FNIP2: variants seen among roughly 807,000 people sequenced by gnomAD.
FNIP2 encodes the protein folliculin-interacting protein 2.
A neutral mutation model predicts 108.7 loss-of-function variants in FNIP2; 32 were observed. The ratio of observed to expected loss-of-function variants is 0.29; its 90% CI spans 0.22 to 0.40. The LOEUF (loss-of-function observed/expected upper bound fraction) is 0.40. Among genes scored for constraint, FNIP2 ranks in the 10% least tolerant of loss-of-function variants. The pLI is 1.00. For missense variants in FNIP2, 1,202 were observed against 1,381.6 expected (o/e 0.87, Z 2.06); for synonymous variants, 480 against 496.7 (o/e 0.97, Z 0.45).
At chr4:158,799,977 G>C (rs551073097) in intron 1 of FNIP2, among the ~76,000 whole-genome samples, 1 of 152,052 alleles carries the variant, frequency 6.6e-6, no homozygotes, top group Non-Finnish European at 1.5e-5. Context: ...AAATAGATAC[G>C]CAGTGCCTTT....
chr4:158,851,279 A>C, intron 7 of FNIP2, 42 bp from the exon 8 acceptor site: 1 of 1,608,716 alleles, frequency 6.2e-7, no homozygotes. Flanking sequence ...CTACATGAGG[A>C]CTAATTGACC....
At chr4:158,877,601 C>T (rs1227758033) in intron 14 of FNIP2, among the ~76,000 whole-genome samples, 3 of 152,188 alleles carry the variant, frequency 2.0e-5, no homozygotes, top group Non-Finnish European at 4.4e-5. Context: ...GTTTGATGCA[C>T]TAGAAATCTC....
chr4:158,806,454 G>T (rs1776963673), intron 1 of FNIP2: 1 of 1,267,070 alleles, frequency 7.9e-7, no homozygotes, highest in African/African-American at 1.5e-5. Context: ...CAAAGTCTCA[G>T]ATAATTTTTT....
intron 14 of FNIP2, among the ~76,000 whole-genome samples, chr4:158,889,041 T>A (rs1484640678): frequency 6.6e-6 from 1 of 151,844 alleles, no homozygotes; most frequent in East Asian, 1.9e-4. Flanking sequence ...ACGTTTTTTT[T>A]AATTAGCCAG....
At chr4:158,899,119 T>A (rs1045474712) in intron 16 of FNIP2, among the ~76,000 whole-genome samples, 1 of 152,238 alleles carries the variant, frequency 6.6e-6, no homozygotes, top group Non-Finnish European at 1.5e-5. Flanking sequence ...CTGGTTTTTG[T>A]CACTGGTTTT....
intron 16 of FNIP2, among the ~76,000 whole-genome samples, chr4:158,896,183 G>A (rs765224786): frequency 6.6e-6 from 1 of 152,188 alleles, no homozygotes; most frequent in Non-Finnish European, 1.5e-5. Context: ...ATAAGATGCT[G>A]AAGTCACAAG....
At chr4:158,803,641 A>C (rs1398588191) in intron 1 of FNIP2, among the ~76,000 whole-genome samples, 1 of 152,210 alleles carries the variant, frequency 6.6e-6, no homozygotes, top group Non-Finnish European at 1.5e-5. Context: ...CTACCCTATT[A>C]CATTTTATCA....
At chr4:158,834,288 T>TTTCTCTCTC (rs1553959296) in intron 6 of FNIP2, 7 of 63,244 alleles carry the variant, frequency 1.1e-4, no homozygotes, top group South Asian at 7.3e-4. Flanking sequence ...CATGGAAGAC[T>TTTCTCTCTC]TCTCTCTCTC....
At chr4:158,901,128 A>ATTTTTTTTT (rs140017298) in intron 16 of FNIP2, among the ~76,000 whole-genome samples, 2 of 112,302 alleles carry the variant, frequency 1.8e-5, no homozygotes, top group African/African-American at 7.4e-5. Context: ...CTGGGTTGAA[A>ATTTTTTTTT]TTTTTTTTTT....
intron 14 of FNIP2, among the ~76,000 whole-genome samples, chr4:158,884,958 T>C (rs1781939292): frequency 7.2e-6 from 1 of 138,448 alleles, no homozygotes; most frequent in African/African-American, 2.7e-5. Context: ...CTGGCCAACA[T>C]GGCAAAACCC....
intron 8 of FNIP2, among the ~76,000 whole-genome samples, chr4:158,858,089 G>A (rs6828666): frequency 0.18 from 26,833 of 152,190 alleles, 2,642 homozygotes; most frequent in South Asian, 0.25. Flanking sequence ...AGACCAGGGG[G>A]CAGAAGGCTA....
At position 158,769,187 on chromosome 4, in the gene FNIP2, A is replaced by C; in HGVS notation, c.-26A>C. ...CTGAGCCGCCGGCCCCCCGAGCGCCACGGCCGGAGCTGCGGCGGCGGCATC... is the reference window on the plus strand; with the variant it reads ...CTGAGCCGCCGGCCCCCCGAGCGCCCCGGCCGGAGCTGCGGCGGCGGCATC... On this transcript the variant is annotated 5_prime_UTR_variant, in exon 1 of 17. Coordinates refer to ENST00000264433, the MANE Select transcript of FNIP2 (RefSeq NM_020840.3). 2 of 1,254,694 alleles carry C rather than the reference A, an allele frequency of 1.6e-6. No homozygotes were observed. Among genetic ancestry groups the C allele is most frequent in the Non-Finnish European group, 2.0e-6 (2 of 975,710 alleles). 77.7% of individuals were successfully genotyped at this position (1,254,694 alleles called of 1,614,324 possible).
intron 14 of FNIP2, among the ~76,000 whole-genome samples, chr4:158,875,235 A>T (rs1392284333): frequency 6.6e-6 from 1 of 152,130 alleles, no homozygotes; most frequent in African/African-American, 2.4e-5. Context: ...ATTGAGTGCT[A>T]AAAGCATTCA....
At chr4:158,899,088 C>G (rs762841694) in intron 16 of FNIP2, among the ~76,000 whole-genome samples, 2 of 152,150 alleles carry the variant, frequency 1.3e-5, no homozygotes, top group Non-Finnish European at 2.9e-5. Context: ...TTTTCTGCAT[C>G]TATTGAGATG....
chr4:158,794,009 A>G (rs539052755), intron 1 of FNIP2, among the ~76,000 whole-genome samples: 2 of 152,354 alleles, frequency 1.3e-5, no homozygotes, highest in Non-Finnish European at 2.9e-5. Context: ...ACATTCTCTA[A>G]GTATAAAATT....
At chr4:158,881,503 C>T (rs1292850632) in intron 14 of FNIP2, among the ~76,000 whole-genome samples, 12 of 152,112 alleles carry the variant, frequency 7.9e-5, no homozygotes, top group African/African-American at 2.7e-4. Context: ...GATGCTGAGC[C>T]GAAGCTGGAC....
intron 1 of FNIP2, among the ~76,000 whole-genome samples, chr4:158,779,814 C>T (rs1267567643): frequency 6.7e-6 from 1 of 149,780 alleles, no homozygotes. Context: ...AACTCCAGGG[C>T]TCAAGTGATT....
In FNIP2 at chr4:158,859,071, C is replaced by T. The variant is rs1780143886; in HGVS notation, c.872C>T (p.Thr291Ile). The change falls in exon 9 of 17, where the codon ACA (threonine) becomes ATA (isoleucine). Residue 291 changes from threonine (T) to isoleucine (I), a missense_variant. This residue lies in a region of FNIP2 where 878 missense variants were observed against 990.3 expected (regional missense o/e 0.89). Transcript: ENST00000264433. ...TTTCCCTCCAGGTCAACTGATGAGA[C>T]ATTCAGCTTGGCTGAAGAAACCTGT... ...GIIPRRSTDE[T>I]FSLAEETCSS... 6.2e-7 allele frequency: 1 copy of T among 1,613,856 alleles called. No individual in the cohort carries two copies. Among genetic ancestry groups the T allele is most frequent in the Non-Finnish European group, 8.5e-7 (1 of 1,179,806 alleles).
chr4:158,813,778 C>T lies in FNIP2; in HGVS notation c.108-12138C>T, dbSNP rs891194143. Among the ~76,000 whole-genome samples, 8 of 152,262 alleles carry T rather than the reference C, an allele frequency of 5.3e-5. No homozygotes were observed. The East Asian group carries it at 1.5e-3, about 29-fold the overall frequency. On this transcript the variant is annotated intron_variant, in intron 1 of 16. Transcript: ENST00000264433. Reference sequence around the variant, plus strand: ...TGCTCAAGGCTGTCTGTATTTTCTCCTGTGTTGTCTTCTGTGAGTTTTGTA... The same window carrying T: ...TGCTCAAGGCTGTCTGTATTTTCTCTTGTGTTGTCTTCTGTGAGTTTTGTA...
Sources: gnomAD v4.1 joint callset for allele counts (sites outside exome capture counted in the v4.1 genomes callset) on GRCh38, gnomAD v4.1.1 for gene constraint, gnomAD v4.1.1 regional missense constraint, MANE v1.5 for transcripts, NCBI Gene and HGNC (gene_info 2026-07-23, HGNC 2026-07-21) for gene names.